Variants in ERCC6 observed in about 807,000 individuals in gnomAD.
ERCC6 encodes the protein DNA excision repair protein ERCC-6.
ERCC6 carries 116 observed loss-of-function variants against 158.7 expected under a neutral mutation model. The ratio of observed to expected loss-of-function variants is 0.73; its 90% CI spans 0.63 to 0.85. ERCC6 has a LOEUF of 0.85. Ranked by LOEUF, ERCC6 falls within the 40% of genes least tolerant of loss-of-function variation. ERCC6 has a pLI of 0.00. For missense variants in ERCC6, 1,698 were observed against 1,799.4 expected, an observed-to-expected ratio of 0.94 and a Z score of 1.02; for synonymous variants, 678 against 659.3, an observed-to-expected ratio of 1.03 and a Z score of -0.43.
intron 5 of ERCC6, among the ~76,000 whole-genome samples, chr10:49,511,460 T>C (rs1212989852): frequency 6.6e-6 from 1 of 151,336 alleles, no homozygotes; most frequent in African/African-American, 2.4e-5. Flanking sequence ...AGTCTCACTC[T>C]GTCACGTCAG....
rs748033001 is a variant in ERCC6 at position 49,470,406 on chromosome 10, G to C, written c.3554C>G (p.Thr1185Arg). ...TTCTTCTGCCACACTATGATGTTTT[G>C]TTTTTGACTTGTGCTTATAAAAATT... Reference protein sequence around the residue: ...ENNFYKHKSKTKHHSVAEEET... With the variant: ...ENNFYKHKSKRKHHSVAEEET... Residue 1185 changes from threonine (T) to arginine (R), a missense_variant, in exon 18 of 21, where the codon ACA becomes AGA. Coordinates refer to ENST00000355832, the MANE Select transcript of ERCC6 (RefSeq NM_000124.4). 1.9e-6 allele frequency: 3 copies of C among 1,614,052 alleles called. No homozygotes were observed. Among genetic ancestry groups the C allele is most frequent in the Non-Finnish European group, 2.5e-6 (3 of 1,180,000 alleles).
intron 15 of ERCC6, chr10:49,472,701 A>G: frequency 1.4e-6 from 1 of 738,250 alleles, no homozygotes. Context: ...CCCCAACTCT[A>G]GGAATGAATG....
chr10:49,526,107 TTATATATTTTTATATATATA>T lies in ERCC6; in HGVS notation c.653-1350_653-1331del, dbSNP rs1387551154. 9.8e-4 allele frequency among the ~76,000 whole-genome samples: 79 copies of T among 80,544 alleles called. 1 individual carries two copies. Among genetic ancestry groups the T allele is most frequent in the Non-Finnish European group, 1.3e-3 (58 of 43,538 alleles). 52.8% of individuals were successfully genotyped at this position (80,544 alleles called of 152,430 possible). Reference sequence around the variant, plus strand: ...TATTTATATTTATATATTTATATATTTATATATTTTTATATATATATATATATATATATATATATATATAT... The same window carrying T: ...TATTTATATTTATATATTTATATATTTATATATATATATATATATATATAT... On this transcript the variant is annotated intron_variant, in intron 4 of 20. Coordinates refer to ENST00000355832, the MANE Select transcript of ERCC6 (RefSeq NM_000124.4).
intron 8 of ERCC6, among the ~76,000 whole-genome samples, chr10:49,492,703 T>C (rs4253135): frequency 6.2e-4 from 95 of 152,344 alleles, no homozygotes; most frequent in Admixed American, 1.5e-3. Flanking sequence ...GTTAAATGCA[T>C]ACTAACAAAT....
rs577897299 is a variant in ERCC6, at chr10:49,518,551, C to T, written c.1397+5482G>A. On this transcript the variant is annotated intron_variant, in intron 5 of 20. Transcript: ENST00000355832. Reference sequence around the variant, plus strand: ...CATGTCAGCCATCATTGTTCTTGTGCACCACTCCCGCCCCTGCCCCCACCT... The same window carrying T: ...CATGTCAGCCATCATTGTTCTTGTGTACCACTCCCGCCCCTGCCCCCACCT... Among the ~76,000 whole-genome samples, 49 of 152,290 alleles carry T rather than the reference C, an allele frequency of 3.2e-4. No homozygotes were observed. The South Asian group carries it at 5.6e-3, about 17-fold the overall frequency.
chr10:49,465,188 G>C (rs111350679), intron 18 of ERCC6, among the ~76,000 whole-genome samples: 1 of 152,238 alleles, frequency 6.6e-6, no homozygotes, highest in Admixed American at 6.5e-5. Context: ...ACCTGGATGC[G>C]AGACAAGGAG....
chr10:49,537,929 T>C (rs1166328414), intron 1 of ERCC6, among the ~76,000 whole-genome samples: 1 of 152,176 alleles, frequency 6.6e-6, no homozygotes, highest in Admixed American at 6.5e-5. Context: ...ACCACGTTGG[T>C]AAGGCTGGTC....
chr10:49,464,456 T>G (rs1251034750), intron 18 of ERCC6, among the ~76,000 whole-genome samples: 1 of 152,240 alleles, frequency 6.6e-6, no homozygotes, highest in African/African-American at 2.4e-5. Flanking sequence ...AAACCCCATT[T>G]TCTCAAGAGA....
At chr10:49,538,582 C>G (rs1390919783) in intron 1 of ERCC6, among the ~76,000 whole-genome samples, 1 of 152,240 alleles carries the variant, frequency 6.6e-6, no homozygotes, top group African/African-American at 2.4e-5. Flanking sequence ...CAATTTGACT[C>G]TATCAACGCC....
At chr10:49,510,253 C>G (rs961241724) in intron 5 of ERCC6, among the ~76,000 whole-genome samples, 3 of 152,052 alleles carry the variant, frequency 2.0e-5, no homozygotes, top group Non-Finnish European at 4.4e-5. Context: ...CTAGTTGCTG[C>G]CATTTAAAGT....
At chr10:49,454,227 T>C (rs1225290664), downstream of ERCC6, among the ~76,000 whole-genome samples, 10 of 152,210 alleles carry the variant, frequency 6.6e-5, no homozygotes, top group Admixed American at 4.6e-4. Context: ...AAATCTACTA[T>C]TGAACCCCTT....
At chr10:49,516,959 ATTAT>A in intron 5 of ERCC6, 1 of 1,614,090 alleles carries the variant, frequency 6.2e-7, no homozygotes, top group Non-Finnish European at 8.5e-7. Context: ...AACCTGGCAG[ATTAT>A]TTATTGTTCC....
At chr10:49,463,031 T>C (rs1035934371) in intron 18 of ERCC6, among the ~76,000 whole-genome samples, 3 of 151,002 alleles carry the variant, frequency 2.0e-5, no homozygotes, top group South Asian at 4.1e-4. Context: ...TAAATCCTCA[T>C]ATGTGGATAA....
chr10:49,518,073 G>A (rs1359752537), intron 5 of ERCC6, among the ~76,000 whole-genome samples: 2 of 152,196 alleles, frequency 1.3e-5, no homozygotes, highest in African/African-American at 4.8e-5. Context: ...AATCCTCATC[G>A]GGTGCAAACC....
the ERCC6 span, among the ~76,000 whole-genome samples, chr10:49,448,510 G>A: frequency 1.3e-5 from 2 of 152,046 alleles, no homozygotes; most frequent in Admixed American, 6.5e-5. Context: ...GTAGCTTTTA[G>A]TATACTCAAA....
At chr10:49,460,524 C>G in intron 19 of ERCC6, 73 bp from the exon 20 acceptor site, 1 of 1,013,708 alleles carries the variant, frequency 9.9e-7, no homozygotes, top group South Asian at 1.3e-5. Context: ...ATTCTTTCAA[C>G]AATGAACTTC....
chr10:49,470,083 G>C, intron 18 of ERCC6, 99 bp downstream of exon 18: 2 of 1,043,746 alleles, frequency 1.9e-6, no homozygotes, highest in Non-Finnish European at 3.0e-6. Context: ...ATGGCTGACA[G>C]CCCTCTATGC....
chr10:49,474,953 G>A (rs1272215530), intron 12 of ERCC6, among the ~76,000 whole-genome samples: 1 of 152,184 alleles, frequency 6.6e-6, no homozygotes, highest in East Asian at 1.9e-4. Flanking sequence ...TTGAGCAGAG[G>A]AGAAATCACC....
chr10:49,528,450 C>T lies in ERCC6; in HGVS notation c.619G>A (p.Glu207Lys), dbSNP rs746159424. 4 of 1,614,168 alleles carry T rather than the reference C, an allele frequency of 2.5e-6. No individual in the cohort carries two copies. The South Asian group carries it at 4.4e-5, about 18-fold the overall frequency. ...AILGGAEVKI[E>K]LDHASLEEDA... The stretch of plus-strand genomic sequence containing the variant: ...TCCTCCAGACTGGCGTGATCTAGTT[C>T]AATTTTCACCTCTGCTCCTCCAAGG... Residue 207 changes from glutamate to lysine, a missense_variant, in exon 4 of 21, where the codon GAA (glutamate) becomes AAA (lysine). By Grantham distance (56) the Glu-to-Lys change is moderately conservative (BLOSUM62 1). Coordinates refer to ENST00000355832, the MANE Select transcript of ERCC6 (RefSeq NM_000124.4).
Sources: gnomAD v4.1 joint callset for allele counts (sites outside exome capture counted in the v4.1 genomes callset) on GRCh38, gnomAD v4.1.1 for gene constraint, MANE v1.5 for transcripts, NCBI Gene and HGNC (gene_info 2026-07-23, HGNC 2026-07-21) for gene names.